FBXO17: variants seen among roughly 807,000 people sequenced by gnomAD.
The protein encoded by FBXO17 is F-box protein 17, also known as F-box only protein 17.
A neutral mutation model predicts 34.1 loss-of-function variants in FBXO17; 43 were observed. That is an observed-to-expected ratio of 1.26 (90% CI 0.99 to 1.62). The LOEUF (loss-of-function observed/expected upper bound fraction) is 1.62, where lower values mean the gene tolerates loss of function less well. Ranked by LOEUF, FBXO17 falls within the 40% of genes most tolerant of loss-of-function variation. The pLI, the probability that FBXO17 is intolerant of heterozygous loss-of-function variation, is 0.00. For missense variants in FBXO17, 424 were observed against 386.7 expected (o/e 1.10, Z -0.81); for synonymous variants, 169 against 166.0 (o/e 1.02, Z -0.14).
In FBXO17 at chr19:38,950,107, G is replaced by A. The variant is rs1461211107; in HGVS notation, c.213C>T (p.Gly71=). 3 of 1,562,606 alleles carry A rather than the reference G, an allele frequency of 1.9e-6. No homozygotes were observed. Among genetic ancestry groups the A allele is most frequent in the Non-Finnish European group, 1.7e-6 (2 of 1,156,586 alleles). Residue 71 remains glycine, a synonymous_variant, in exon 2 of 6, where the codon GGC becomes GGT. Transcript: ENST00000292852. ...LQLARDRSAE[G]RALYAVAQRC... ...GTTGAGCCACTGCGTAGAGTGCGCG[G>A]CCCTCGGCGCTGCGGTCGCGGGCCA...
Position 38,950,270 on chromosome 19 carries a change from G to T in FBXO17, c.50C>A (p.Ala17Asp), listed in dbSNP as rs1303458775. 1 of 1,483,462 alleles carries T rather than the reference G, an allele frequency of 6.7e-7. No individual in the cohort carries two copies. Among genetic ancestry groups the T allele is most frequent in the Admixed American group, 2.3e-5 (1 of 42,850 alleles). 91.9% of individuals were successfully genotyped at this position (1,483,462 alleles called of 1,614,324 possible). The change falls in exon 2 of 6, where the codon GCC becomes GAC. Residue 17 changes from alanine (A) to aspartate (D), a missense_variant. Ala to Asp is a moderately radical substitution (Grantham distance 126). Transcript: ENST00000292852. Reference sequence around the variant, plus strand: ...CAGCTCCGGGGGCAGCGCGTCCAGGGCCAGGGATGGGTCCGCCGGCAGCCG... The same window carrying T: ...CAGCTCCGGGGGCAGCGCGTCCAGGTCCAGGGATGGGTCCGCCGGCAGCCG... Reference protein sequence around the residue: ...RRRLPADPSLALDALPPELLV... With the variant: ...RRRLPADPSLDLDALPPELLV...
intron 5 of FBXO17, 94 bp downstream of exon 5, chr19:38,944,875 T>C (rs1474323652): frequency 2.0e-6 from 3 of 1,534,046 alleles, no homozygotes; most frequent in Non-Finnish European, 1.8e-6. Flanking sequence ...ATTATAGATA[T>C]CCAGGAGTGA....
Position 38,950,242 on chromosome 19 carries a change from C to T in FBXO17, c.78G>A (p.Leu26=). The T allele has an allele frequency of 6.5e-7, 1 of 1,527,200 alleles. No homozygotes were observed. Among genetic ancestry groups the T allele is most frequent in the Non-Finnish European group, 8.7e-7 (1 of 1,144,942 alleles). The allele number at this position is 1,527,200 out of a possible 1,614,324, so 94.6% of individuals were successfully genotyped here. The change falls in exon 2 of 6, where the codon CTG becomes CTA. Residue 26 remains leucine (L), a synonymous_variant. Transcript: ENST00000292852. ...GCGGCACGTGGCTCAGCACCTGCAC[C>T]AGCAGCTCCGGGGGCAGCGCGTCCA... ...LALDALPPEL[L]VQVLSHVPPR...
chr19:38,974,085 GTT>G (rs1268917360), intron 1 of FBXO17, among the ~76,000 whole-genome samples: 2 of 124,544 alleles, frequency 1.6e-5, no homozygotes, highest in Non-Finnish European at 3.5e-5. Context: ...TACATATATA[GTT>G]TTTTTTTTTT....
intron 1 of FBXO17, among the ~76,000 whole-genome samples, chr19:38,958,752 C>T (rs184166148): frequency 1.3e-5 from 2 of 152,270 alleles, no homozygotes; most frequent in East Asian, 3.9e-4. Context: ...GCTATGAGAA[C>T]ATTTCCTATC....
intron 1 of FBXO17, among the ~76,000 whole-genome samples, chr19:38,963,688 G>A (rs904846735): frequency 1.4e-4 from 22 of 152,176 alleles, no homozygotes; most frequent in Non-Finnish European, 2.4e-4. Flanking sequence ...TATCCACTCA[G>A]TATGATGGAC....
At chr19:38,952,773 G>A (rs1258946545) in intron 1 of FBXO17, 3 of 458,896 alleles carry the variant, frequency 6.5e-6, no homozygotes, top group Non-Finnish European at 1.3e-5. Flanking sequence ...TCTCCCTCTC[G>A]TGGTCAAACC....
intron 1 of FBXO17, among the ~76,000 whole-genome samples, chr19:38,959,081 A>AC (rs915354691): frequency 7.0e-6 from 1 of 143,100 alleles, no homozygotes; most frequent in Admixed American, 7.0e-5. Context: ...TTTGTTTTAT[A>AC]TTTTTTTTTT....
Position 38,942,550 on chromosome 19 carries a change from C to T in FBXO17, c.*58G>A, listed in dbSNP as rs761996057. On this transcript the variant is annotated 3_prime_UTR_variant, in exon 6 of 6. Coordinates refer to ENST00000292852, the MANE Select transcript of FBXO17 (RefSeq NM_024907.7). ...GTGCTGGGATTCCACAGGTGTGAGCCACTGCACCTGGCTGCAAGGCTGGTC... is the reference window on the plus strand; with the variant it reads ...GTGCTGGGATTCCACAGGTGTGAGCTACTGCACCTGGCTGCAAGGCTGGTC... 26 of 1,475,634 alleles carry T rather than the reference C, an allele frequency of 1.8e-5. No individual in the cohort carries two copies. The highest frequency in any genetic ancestry group is 2.3e-5 in the Non-Finnish European group (26 of 1,116,568). The allele number at this position is 1,475,634 out of a possible 1,614,324, so 91.4% of individuals were successfully genotyped here.
intron 1 of FBXO17, among the ~76,000 whole-genome samples, chr19:38,971,007 G>A (rs1402701496): frequency 6.6e-6 from 1 of 151,120 alleles, no homozygotes; most frequent in Non-Finnish European, 1.5e-5. Context: ...GCTGAGGCAG[G>A]AGAATGGCTT....
At chr19:38,948,485 G>A (rs965900184) in intron 3 of FBXO17, 82 bp downstream of exon 3, 11 of 1,004,652 alleles carry the variant, frequency 1.1e-5, no homozygotes, top group South Asian at 6.2e-5. Flanking sequence ...TGAAGGTGAC[G>A]ATGAGGACAG....
chr19:38,948,132 C>T (rs1568438715), intron 3 of FBXO17, among the ~76,000 whole-genome samples: 1 of 151,830 alleles, frequency 6.6e-6, no homozygotes. Flanking sequence ...TCAGCCTCCA[C>T]GTCCAGCTAA....
chr19:38,950,017 C>T lies in FBXO17; in HGVS notation c.303G>A (p.Leu101=), dbSNP rs979628062. 3 of 1,561,082 alleles carry T rather than the reference C, an allele frequency of 1.9e-6. No homozygotes were observed. The highest frequency in any genetic ancestry group is 3.3e-4 in the Middle Eastern group (2 of 6,006). ...FPLCALARYC[L]RAPFGRNLIF... is the part of the protein sequence containing the mutation. ...TGAGATTGCGGCCGAAGGGCGCGCGCAGACAGTAGCGCGCCAGGGCGCACA... is the reference window on the plus strand; with the variant it reads ...TGAGATTGCGGCCGAAGGGCGCGCGTAGACAGTAGCGCGCCAGGGCGCACA... Residue 101 remains leucine (L), a synonymous_variant, in exon 2 of 6, where the codon CTG becomes CTA. Coordinates refer to ENST00000292852, the MANE Select transcript of FBXO17 (RefSeq NM_024907.7).
chr19:38,949,758 C>G (rs1975043433), intron 2 of FBXO17: 3 of 626,638 alleles, frequency 4.8e-6, no homozygotes, highest in East Asian at 3.0e-5. Flanking sequence ...GTCTTCCTGC[C>G]TTGCCCCGCC....
chr19:38,971,877 A>G (rs982920065), intron 1 of FBXO17, among the ~76,000 whole-genome samples: 1 of 152,116 alleles, frequency 6.6e-6, no homozygotes, highest in African/African-American at 2.4e-5. Context: ...TATAATAGTT[A>G]AGGAGATGCC....
intron 1 of FBXO17, among the ~76,000 whole-genome samples, chr19:38,955,056 G>A (rs929618230): frequency 6.6e-6 from 1 of 150,840 alleles, no homozygotes; most frequent in African/African-American, 2.4e-5. Context: ...TCAGCCTCCC[G>A]GGTAACTGAG....
At chr19:38,951,518 T>TA (rs34437526) in intron 1 of FBXO17, among the ~76,000 whole-genome samples, 13,649 of 143,608 alleles carry the variant, frequency 0.095, 674 homozygotes, top group Non-Finnish European at 0.11. Flanking sequence ...CCTCTGCCCC[T>TA]AAAAAAAAAA....
chr19:38,958,011 G>A (rs569934387), intron 1 of FBXO17, among the ~76,000 whole-genome samples: 2 of 151,698 alleles, frequency 1.3e-5, no homozygotes, highest in East Asian at 3.9e-4. Flanking sequence ...GAGCTGAGGG[G>A]AGAAGGATCA....
intron 1 of FBXO17, among the ~76,000 whole-genome samples, chr19:38,963,072 C>T (rs1203538038): frequency 6.6e-6 from 1 of 152,106 alleles, no homozygotes; most frequent in African/African-American, 2.4e-5. Context: ...CTCAAATCCC[C>T]TATCATAGTT....
Sources: gnomAD v4.1 joint callset for allele counts (sites outside exome capture counted in the v4.1 genomes callset) on GRCh38, gnomAD v4.1.1 for gene constraint, MANE v1.5 for transcripts, NCBI Gene and HGNC (gene_info 2026-07-23, HGNC 2026-07-21) for gene names.